Variants in TAFA2 observed in about 807,000 individuals in gnomAD.
TAFA2 encodes the protein chemokine-like protein TAFA-2.
In TAFA2, 7 loss-of-function variants were observed where a neutral mutation model predicts 18.8. The observed-to-expected ratio is 0.37, with a 90% CI of 0.21 to 0.70. TAFA2 has a LOEUF of 0.70. TAFA2 is among the 30% of genes least tolerant of loss of function. The pLI, the probability that TAFA2 is intolerant of heterozygous loss-of-function variation, is 0.53. For missense variants in TAFA2, 122 were observed against 158.1 expected, an observed-to-expected ratio of 0.77 and a Z score of 1.23; for synonymous variants, 60 against 54.2, an observed-to-expected ratio of 1.11 and a Z score of -0.47.
At chr12:62,187,297 G>A (rs912966860) in intron 1 of TAFA2, among the ~76,000 whole-genome samples, 10 of 152,076 alleles carry the variant, frequency 6.6e-5, no homozygotes, top group African/African-American at 2.2e-4. Context: ...AAAATAGAAT[G>A]TATTAACAAT....
intron 1 of TAFA2, among the ~76,000 whole-genome samples, chr12:61,927,017 GTAAGCCGAGATCGCACCACTA>G (rs927269872): frequency 7.2e-6 from 1 of 139,028 alleles, no homozygotes; most frequent in Non-Finnish European, 1.5e-5. Flanking sequence ...GGAGGTTGCA[GTAAGCCGAGATCGCACCACTA>G]TACTCCAACC....
rs149420154 is a variant in TAFA2, at chr12:61,822,163, C to G, written c.106+45157G>C. ...CAATTAATTTATGTACTAATTCAATCTGTGGCTACTATAGGTTAAAAAATA... is the reference window on the plus strand; with the variant it reads ...CAATTAATTTATGTACTAATTCAATGTGTGGCTACTATAGGTTAAAAAATA... On this transcript the variant is annotated intron_variant, in intron 2 of 4. Coordinates refer to ENST00000416284, the MANE Select transcript of TAFA2 (RefSeq NM_178539.5). 3.5e-3 allele frequency among the ~76,000 whole-genome samples: 538 copies of G among 152,110 alleles called. 3 individuals carry two copies. Among genetic ancestry groups the G allele is most frequent in the Non-Finnish European group, 6.7e-3 (454 of 67,938 alleles).
rs552290178 is a variant in TAFA2, at chr12:61,880,687, C to T, written c.-1-13261G>A. On this transcript the variant is annotated intron_variant, in intron 1 of 4. Transcript: ENST00000416284. ...GCAGGCTCCAGCTACTTCAGCCATA[C>T]CAGCTCCACCAGGGCTATGGTTGTG... 7.4e-4 allele frequency: 263 copies of T among 357,166 alleles called. 2 individuals carry two copies. Among genetic ancestry groups the T allele is most frequent in the African/African-American group, 5.4e-3 (253 of 47,028 alleles). The allele number at this position is 357,166 out of a possible 1,614,324, so 22.1% of individuals were successfully genotyped here.
At chr12:62,023,692 G>A (rs1225649342) in intron 1 of TAFA2, 3 of 151,922 alleles carry the variant, frequency 2.0e-5, no homozygotes, top group Non-Finnish European at 2.9e-5. Context: ...AGGGAATGAT[G>A]GCATTTTGTA....
chr12:61,935,333 G>T (rs1877718446), intron 1 of TAFA2, among the ~76,000 whole-genome samples: 1 of 150,072 alleles, frequency 6.7e-6, no homozygotes, highest in Admixed American at 6.6e-5. Context: ...ATAAGCCACT[G>T]TCTATATCTT....
rs1877124780 is a variant in TAFA2 at position 61,923,057 on chromosome 12, T to C, written c.-1-55631A>G. ...ACTGCTTCTTTAGATTCCTCCTCTC[T>C]GGGCAGGGCATCTCTGAAAGAAAGG... On this transcript the variant is annotated intron_variant, in intron 1 of 4. Coordinates refer to ENST00000416284, the MANE Select transcript of TAFA2 (RefSeq NM_178539.5). Among the ~76,000 whole-genome samples, 3 of 152,160 alleles carry C rather than the reference T, an allele frequency of 2.0e-5. No homozygotes were observed. The South Asian group carries it at 6.2e-4, about 31-fold the overall frequency.
At chr12:62,107,395 A>C (rs1869509022) in intron 1 of TAFA2, among the ~76,000 whole-genome samples, 1 of 152,168 alleles carries the variant, frequency 6.6e-6, no homozygotes, top group African/African-American at 2.4e-5. Flanking sequence ...CTTCTACTCT[A>C]TTTTTCCAAA....
chr12:62,191,542 G>C lies in TAFA2; in HGVS notation c.-285C>G, dbSNP rs2062624811. 1 of 152,220 alleles carries C rather than the reference G, an allele frequency of 6.6e-6. No individual in the cohort carries two copies. Among genetic ancestry groups the C allele is most frequent in the African/African-American group, 2.4e-5 (1 of 41,440 alleles). 9.4% of individuals were successfully genotyped at this position (152,220 alleles called of 1,614,324 possible). A position where few individuals can be genotyped will look rare whatever the true frequency, so the allele number is the denominator to read the frequency against. On this transcript the variant is annotated 5_prime_UTR_variant, in exon 1 of 5. Coordinates refer to ENST00000416284, the MANE Select transcript of TAFA2 (RefSeq NM_178539.5). ...ATCCAAGCTGGAATCCCCCTGAAGCGGGTGAAGGTGAGCCTGATCCTTCTC... is the reference window on the plus strand; with the variant it reads ...ATCCAAGCTGGAATCCCCCTGAAGCCGGTGAAGGTGAGCCTGATCCTTCTC...
At position 61,947,703 on chromosome 12, in the gene TAFA2, C is replaced by T. The variant is rs148101084; in HGVS notation, c.-1-80277G>A. On this transcript the variant is annotated intron_variant, in intron 1 of 4. Transcript: ENST00000416284. ...CTCTAAGAAGGTCAATTCTCTGGCC[C>T]CTGAAAGTTAAGTTGCTCTCATCTC... Among the ~76,000 whole-genome samples, 473 of 152,134 alleles carry T rather than the reference C, an allele frequency of 3.1e-3. 1 individual carries two copies. Among genetic ancestry groups the T allele is most frequent in the African/African-American group, 0.011 (442 of 41,490 alleles).
chr12:61,874,870 G>C (rs1303354969), intron 1 of TAFA2, among the ~76,000 whole-genome samples: 2 of 151,914 alleles, frequency 1.3e-5, no homozygotes, highest in African/African-American at 4.8e-5. Context: ...CCTCCTTTCT[G>C]TCTATAAAAT....
At chr12:61,830,125 CT>C in intron 2 of TAFA2, among the ~76,000 whole-genome samples, 1 of 151,296 alleles carries the variant, frequency 6.6e-6, no homozygotes, top group East Asian at 1.9e-4. Context: ...CAATGGTTGA[CT>C]GGATGATTGG....
At chr12:61,959,435 T>C (rs1878807211) in intron 1 of TAFA2, among the ~76,000 whole-genome samples, 1 of 152,070 alleles carries the variant, frequency 6.6e-6, no homozygotes. Context: ...ATTTTAAAGG[T>C]AGTGTTTGTA....
chr12:62,038,039 T>A (rs1881656174), intron 1 of TAFA2, among the ~76,000 whole-genome samples: 2 of 152,114 alleles, frequency 1.3e-5, no homozygotes, highest in Non-Finnish European at 2.9e-5. Flanking sequence ...ACATGTGAAA[T>A]CTAAAAATAA....
At chr12:61,727,654 C>T in intron 4 of TAFA2, among the ~76,000 whole-genome samples, 1 of 151,836 alleles carries the variant, frequency 6.6e-6, no homozygotes, top group Non-Finnish European at 1.5e-5. Flanking sequence ...TTTTGTTTAT[C>T]TTTTCAAAGA....
At chr12:62,213,982 T>G (rs920238033) in intron 1 of TAFA2, among the ~76,000 whole-genome samples, 7 of 152,214 alleles carry the variant, frequency 4.6e-5, no homozygotes, top group Non-Finnish European at 8.8e-5. Flanking sequence ...GTTCCCAGTT[T>G]GCATCATTAC....
chr12:61,816,345 G>T lies in TAFA2; in HGVS notation c.106+50975C>A, dbSNP rs1034370806. ...CAGCTCCATCCATGTTCCTGCAAAA[G>T]ACATGATCTTTTTCTTTTTATGGCT... is the stretch of plus-strand genomic sequence containing the variant. On this transcript the variant is annotated intron_variant, in intron 2 of 4. Transcript: ENST00000416284. Among the ~76,000 whole-genome samples the T allele has an allele frequency of 9.9e-5, 15 of 151,430 alleles. 2 individuals are homozygous for T. The highest frequency in any genetic ancestry group is 3.4e-4 in the African/African-American group (14 of 40,728).
At chr12:62,006,967 A>G (rs923590750) in intron 1 of TAFA2, among the ~76,000 whole-genome samples, 1 of 152,212 alleles carries the variant, frequency 6.6e-6, no homozygotes, top group East Asian at 1.9e-4. Flanking sequence ...GACTAAATGG[A>G]CTATATATTT....
At chr12:62,224,217 C>T (rs1310846086) in intron 1 of TAFA2, among the ~76,000 whole-genome samples, 1 of 151,894 alleles carries the variant, frequency 6.6e-6, no homozygotes, top group Non-Finnish European at 1.5e-5. Flanking sequence ...CATACAAATG[C>T]TTCATAAGCA....
intron 4 of TAFA2, among the ~76,000 whole-genome samples, chr12:61,722,001 C>T (rs1869926414): frequency 6.6e-6 from 1 of 151,906 alleles, no homozygotes; most frequent in Non-Finnish European, 1.5e-5. Context: ...CAAAGTACTC[C>T]AGCGATATCA....
Sources: gnomAD v4.1 joint callset for allele counts (sites outside exome capture counted in the v4.1 genomes callset) on GRCh38, gnomAD v4.1.1 for gene constraint, MANE v1.5 for transcripts, NCBI Gene and HGNC (gene_info 2026-07-23, HGNC 2026-07-21) for gene names.